FAM78B: variants seen among roughly 807,000 people sequenced by gnomAD.
FAM78B encodes the protein protein FAM78B.
Under a neutral mutation model 20.0 loss-of-function variants are expected in FAM78B, and 10 were observed. The ratio of observed to expected loss-of-function variants is 0.50; its 90% CI spans 0.31 to 0.85. The LOEUF is 0.85. Ranked by LOEUF, FAM78B falls within the 40% of genes least tolerant of loss-of-function variation. The pLI is 0.05. For missense variants in FAM78B, 283 were observed against 345.0 expected, an observed-to-expected ratio of 0.82 and a Z score of 1.42; for synonymous variants, 135 against 132.8, an observed-to-expected ratio of 1.02 and a Z score of -0.12.
chr1:166,086,037 T>A (rs1338368102), intron 1 of FAM78B, among the ~76,000 whole-genome samples: 1 of 152,096 alleles, frequency 6.6e-6, no homozygotes, highest in African/African-American at 2.4e-5. Flanking sequence ...ACTAAATTCT[T>A]GCTATAGTAA....
chr1:166,107,664 C>T (rs1406119752), intron 1 of FAM78B, among the ~76,000 whole-genome samples: 1 of 152,070 alleles, frequency 6.6e-6, no homozygotes, highest in Non-Finnish European at 1.5e-5. Context: ...CACCCTAATA[C>T]CAAAACCAGA....
In FAM78B at chr1:166,077,925, A is replaced by T. The variant is rs1425612742; in HGVS notation, c.264-7162T>A. On this transcript the variant is annotated intron_variant, in intron 1 of 1. Transcript: ENST00000354422. The stretch of plus-strand genomic sequence containing the variant: ...TTATATATATAATTATATATATAAT[A>T]AATATATAATAATATATATAATTTA... Among the ~76,000 whole-genome samples the T allele has an allele frequency of 0.012, 77 of 6,480 alleles. 4 individuals are homozygous for T. In the East Asian group the frequency reaches 0.18, roughly 15 times the overall value. The allele number at this position is 6,480 out of a possible 152,430, so 4.3% of individuals were successfully genotyped here.
At chr1:166,096,628 C>T (rs1170061555) in intron 1 of FAM78B, among the ~76,000 whole-genome samples, 2 of 152,112 alleles carry the variant, frequency 1.3e-5, no homozygotes, top group Admixed American at 6.5e-5. Flanking sequence ...TAAAGTAGAA[C>T]GAGAGTATCT....
intron 1 of FAM78B, among the ~76,000 whole-genome samples, chr1:166,078,156 C>T (rs1053846778): frequency 1.8e-4 from 27 of 151,484 alleles, no homozygotes; most frequent in African/African-American, 5.6e-4. Flanking sequence ...CTCAGACTCC[C>T]GAGTAGCTGG....
chr1:166,111,198 G>A (rs1654037999), intron 1 of FAM78B, among the ~76,000 whole-genome samples: 1 of 152,166 alleles, frequency 6.6e-6, no homozygotes, highest in Admixed American at 6.5e-5. Context: ...TGTCCAGGTG[G>A]CTAGGATCCA....
intron 1 of FAM78B, among the ~76,000 whole-genome samples, chr1:166,139,380 TGA>T (rs1278117450): frequency 6.6e-6 from 1 of 152,174 alleles, no homozygotes; most frequent in Non-Finnish European, 1.5e-5. Flanking sequence ...CAACAGGCAT[TGA>T]GAGTACTGTA....
chr1:166,159,876 T>C (rs901663961), intron 1 of FAM78B, among the ~76,000 whole-genome samples: 23 of 152,370 alleles, frequency 1.5e-4, no homozygotes, highest in African/African-American at 4.6e-4. Flanking sequence ...AATCCTCTGC[T>C]GCTCCTCTTT....
intron 1 of FAM78B, among the ~76,000 whole-genome samples, chr1:166,125,090 T>C (rs896668315): frequency 6.6e-6 from 1 of 152,238 alleles, no homozygotes; most frequent in Non-Finnish European, 1.5e-5. Context: ...TGCAGTACTT[T>C]TCCATGCATA....
At chr1:166,057,187 G>A (rs576117456), downstream of FAM78B, among the ~76,000 whole-genome samples, 1 of 152,282 alleles carries the variant, frequency 6.6e-6, no homozygotes, top group East Asian at 1.9e-4. Flanking sequence ...TAGGGAGAAG[G>A]GTGAGGATCC....
At chr1:166,140,456 C>T (rs1018330801) in intron 1 of FAM78B, among the ~76,000 whole-genome samples, 3 of 152,220 alleles carry the variant, frequency 2.0e-5, no homozygotes, top group Admixed American at 2.0e-4. Flanking sequence ...TACAGGGCTT[C>T]GGGCCTTCAG....
In FAM78B at chr1:166,094,007, G is replaced by A. The variant is rs951412792; in HGVS notation, c.264-23244C>T. ...GCACACAGGGCTTGCGAATGACTGT[G>A]TGTGTGTGTGTGTGTGTGTGTGTGT... On this transcript the variant is annotated intron_variant, in intron 1 of 1. Transcript: ENST00000354422. Among the ~76,000 whole-genome samples, 2 of 139,300 alleles carry A rather than the reference G, an allele frequency of 1.4e-5. 1 individual carries two copies. The highest frequency in any genetic ancestry group is 4.5e-4 in the South Asian group (2 of 4,464). The allele number at this position is 139,300 out of a possible 152,430, so 91.4% of individuals were successfully genotyped here. A position where few individuals can be genotyped will look rare whatever the true frequency, so the allele number is the denominator to read the frequency against.
At chr1:166,130,754 GAAC>G (rs150058897) in intron 1 of FAM78B, among the ~76,000 whole-genome samples, 1 of 152,164 alleles carries the variant, frequency 6.6e-6, no homozygotes, top group Non-Finnish European at 1.5e-5. Context: ...GCCCAAGATA[GAAC>G]AACTATTTAA....
chr1:166,116,504 G>A (rs77707978), intron 1 of FAM78B, among the ~76,000 whole-genome samples: 4,138 of 152,242 alleles, frequency 0.027, 255 homozygotes, highest in Admixed American at 0.14. Context: ...TACTTTGGGG[G>A]AGTAAATTTC....
chr1:166,076,359 T>TCCTC (rs757166890), intron 1 of FAM78B, among the ~76,000 whole-genome samples: 4 of 152,150 alleles, frequency 2.6e-5, no homozygotes, highest in Non-Finnish European at 4.4e-5. Flanking sequence ...AACTCCCACC[T>TCCTC]GAGGGCCTTT....
chr1:166,094,048 G>GTGTGTGTGTGTGTGTGTGTGT (rs1653181691), intron 1 of FAM78B, among the ~76,000 whole-genome samples: 2 of 105,390 alleles, frequency 1.9e-5, no homozygotes, highest in African/African-American at 3.7e-5. Context: ...TGTGTGTGTG[G>GTGTGTGTGTGTGTGTGTGTGT]TGTTCTTGAA....
intron 1 of FAM78B, among the ~76,000 whole-genome samples, chr1:166,136,464 G>C (rs911090320): frequency 1.3e-5 from 2 of 152,108 alleles, no homozygotes; most frequent in Non-Finnish European, 2.9e-5. Context: ...ATCTCCAGAT[G>C]CCTTATCTCT....
intron 1 of FAM78B, among the ~76,000 whole-genome samples, chr1:166,134,247 G>T (rs1654987322): frequency 7.4e-6 from 1 of 134,908 alleles, no homozygotes; most frequent in Non-Finnish European, 1.5e-5. Context: ...CTCCCTGAAT[G>T]AGTGTGCATA....
At chr1:166,137,939 C>G (rs1179822357) in intron 1 of FAM78B, among the ~76,000 whole-genome samples, 1 of 152,194 alleles carries the variant, frequency 6.6e-6, no homozygotes, top group Non-Finnish European at 1.5e-5. Context: ...CTGTAGGCAG[C>G]TGGTCTCAGG....
chr1:166,120,075 G>A (rs1654411753), intron 1 of FAM78B, among the ~76,000 whole-genome samples: 1 of 152,272 alleles, frequency 6.6e-6, no homozygotes, highest in South Asian at 2.1e-4. Flanking sequence ...CAAGGATTAT[G>A]TGAGGCATTG....
Sources: gnomAD v4.1 joint callset for allele counts (sites outside exome capture counted in the v4.1 genomes callset) on GRCh38, gnomAD v4.1.1 for gene constraint, MANE v1.5 for transcripts, NCBI Gene and HGNC (gene_info 2026-07-23, HGNC 2026-07-21) for gene names.